Variants in MFN1 observed in about 807,000 individuals in gnomAD.
MFN1 encodes the protein mitofusin 1.
In MFN1, 65 loss-of-function variants were observed where a neutral mutation model predicts 92.4. The ratio of observed to expected loss-of-function variants is 0.70; its 90% CI spans 0.58 to 0.86. The LOEUF is 0.86. Among genes scored for constraint, MFN1 ranks in the 40% least tolerant of loss-of-function variants. The probability of loss-of-function intolerance (pLI) is 0.00; values close to 1 mark genes in which losing one functional copy is unlikely to be tolerated. For synonymous variants in MFN1, 297 were observed against 300.9 expected, an observed-to-expected ratio of 0.99 and a Z score of 0.13; for missense variants, 781 against 868.0, an observed-to-expected ratio of 0.90 and a Z score of 1.26.
intron 10 of MFN1, among the ~76,000 whole-genome samples, chr3:179,376,679 C>CT (rs567427384): frequency 1.5e-3 from 229 of 152,232 alleles, no homozygotes; most frequent in Non-Finnish European, 2.6e-3. Flanking sequence ...TTCAAGAAAA[C>CT]TTTAACAAAA....
At chr3:179,379,478 T>C (rs1713384422) in intron 14 of MFN1, among the ~76,000 whole-genome samples, 1 of 152,102 alleles carries the variant, frequency 6.6e-6, no homozygotes, top group Admixed American at 6.5e-5. Context: ...CTCAGCCTCC[T>C]GAGCAGCTGG....
intron 16 of MFN1, among the ~76,000 whole-genome samples, chr3:179,387,841 G>T (rs564447666): frequency 2.0e-5 from 3 of 150,592 alleles, no homozygotes; most frequent in African/African-American, 7.3e-5. Context: ...CAATTCTCCT[G>T]CTTCAGCCTC....
At chr3:179,379,042 C>T (rs1254255743) in intron 14 of MFN1, among the ~76,000 whole-genome samples, 2 of 152,164 alleles carry the variant, frequency 1.3e-5, no homozygotes, top group African/African-American at 4.8e-5. Flanking sequence ...GTGGAAAATT[C>T]CACACCAGAC....
rs147515343 is a variant in MFN1, at chr3:179,364,064, G to T, written c.537-233G>T. Among the ~76,000 whole-genome samples the T allele has an allele frequency of 5.6e-3, 850 of 151,860 alleles. 4 individuals are homozygous for T. Among genetic ancestry groups the T allele is most frequent in the Middle Eastern group, 0.01 (3 of 294 alleles). ...AACCCTCATTGTTTAGTATCTATTA[G>T]CCTAGTTTTATATTTCAGCCATCTA... is the stretch of plus-strand genomic sequence containing the variant. On this transcript the variant is annotated intron_variant, in intron 5 of 17. Transcript: ENST00000471841.
intron 3 of MFN1, among the ~76,000 whole-genome samples, chr3:179,352,617 A>G (rs528133550): frequency 1.3e-5 from 2 of 152,116 alleles, no homozygotes; most frequent in Non-Finnish European, 2.9e-5. Context: ...GAACCAAATA[A>G]CTCTTGTTTC....
chr3:179,365,247 T>C (rs773756605), intron 7 of MFN1, 22 bp downstream of exon 7: 5 of 1,377,028 alleles, frequency 3.6e-6, no homozygotes, highest in Admixed American at 2.7e-5. Context: ...TTTTTTTTTT[T>C]GTAGGTTTTG....
At chr3:179,382,245 C>T (rs892341895) in intron 14 of MFN1, among the ~76,000 whole-genome samples, 12 of 152,102 alleles carry the variant, frequency 7.9e-5, no homozygotes, top group Non-Finnish European at 1.6e-4. Flanking sequence ...CAACAGGCCC[C>T]GGGGTGTGAT....
At chr3:179,352,873 T>A (rs1712202623) in intron 3 of MFN1, among the ~76,000 whole-genome samples, 1 of 151,720 alleles carries the variant, frequency 6.6e-6, no homozygotes, top group Non-Finnish European at 1.5e-5. Context: ...TGCCTCAGCC[T>A]CCCTAGTAGC....
At chr3:179,371,390 A>G (rs1169904260) in intron 9 of MFN1, among the ~76,000 whole-genome samples, 1 of 151,968 alleles carries the variant, frequency 6.6e-6, no homozygotes, top group Non-Finnish European at 1.5e-5. Context: ...GCTCATGACT[A>G]TAGTCACAGC....
rs1042976352 is a variant in MFN1 at position 179,392,657 on chromosome 3, T to C, written c.*598T>C. On this transcript the variant is annotated 3_prime_UTR_variant, in exon 18 of 18. Transcript: ENST00000471841. ...GGCTTGTTATAGTCACTTATAAGTA[T>C]CTGGGTCTAAGTAATTTCCTTAGAT... is the stretch of plus-strand genomic sequence containing the variant. 1.3e-5 allele frequency: 2 copies of C among 152,242 alleles called. No individual in the cohort carries two copies. The highest frequency in any genetic ancestry group is 4.8e-5 in the African/African-American group (2 of 41,468). 9.4% of individuals were successfully genotyped at this position (152,242 alleles called of 1,614,324 possible).
chr3:179,379,191 A>G (rs950516050), intron 14 of MFN1, among the ~76,000 whole-genome samples: 1 of 152,200 alleles, frequency 6.6e-6, no homozygotes, highest in Non-Finnish European at 1.5e-5. Context: ...AAGCACACCT[A>G]TGAAGGGTAC....
rs772579182 is a variant in MFN1 at position 179,378,355 on chromosome 3, C to T, written c.1344C>T (p.His448=). The T allele has an allele frequency of 1.1e-5, 17 of 1,600,324 alleles. No individual in the cohort carries two copies. Among genetic ancestry groups the T allele is most frequent in the Non-Finnish European group, 1.4e-5 (16 of 1,175,676 alleles). Residue 448 remains histidine, a synonymous_variant, in exon 13 of 18, where the codon CAC becomes CAT. Transcript: ENST00000471841. The part of the protein sequence containing the change: ...LKIYKSELNK[H]IEDGMGRNLA... Reference sequence around the variant, plus strand: ...ATTGTTAACAGGAATTAAATAAGCACATAGAGGATGGTATGGGAAGAAATT... The same window carrying T: ...ATTGTTAACAGGAATTAAATAAGCATATAGAGGATGGTATGGGAAGAAATT...
At chr3:179,351,792 G>A in intron 2 of MFN1, 108 bp from the exon 3 acceptor site, 2 of 1,002,850 alleles carry the variant, frequency 2.0e-6, no homozygotes, top group East Asian at 2.7e-5. Context: ...GATGCTGTGG[G>A]TGGCATGTTA....
At chr3:179,389,429 C>G (rs1185634596) in intron 16 of MFN1, among the ~76,000 whole-genome samples, 1 of 152,074 alleles carries the variant, frequency 6.6e-6, no homozygotes, top group African/African-American at 2.4e-5. Context: ...GAGGCAACCT[C>G]AAATAATTTC....
At chr3:179,376,970 ATGAGTCCC>A in intron 10 of MFN1, 64 bp from the exon 11 acceptor site, 5 of 1,500,998 alleles carry the variant, frequency 3.3e-6, no homozygotes, top group Non-Finnish European at 4.5e-6. Flanking sequence ...CAATACATGA[ATGAGTCCC>A]TTGCTGAAAT....
At chr3:179,388,390 A>C (rs957987923) in intron 16 of MFN1, among the ~76,000 whole-genome samples, 1 of 152,302 alleles carries the variant, frequency 6.6e-6, no homozygotes, top group East Asian at 1.9e-4. Flanking sequence ...TTTAGATCTC[A>C]GGAGAATTTT....
In MFN1 at chr3:179,392,131, A is replaced by G; in HGVS notation, c.*72A>G. On this transcript the variant is annotated 3_prime_UTR_variant, in exon 18 of 18. Coordinates refer to ENST00000471841, the MANE Select transcript of MFN1 (RefSeq NM_033540.3). ...TAAGATTGGAACAGTTGTTATTTTTATGAAATTACTTTAAATATGAATTGT... is the reference window on the plus strand; with the variant it reads ...TAAGATTGGAACAGTTGTTATTTTTGTGAAATTACTTTAAATATGAATTGT... The G allele has an allele frequency of 1.0e-6, 1 of 988,164 alleles. No homozygotes were observed. Among genetic ancestry groups the G allele is most frequent in the Non-Finnish European group, 1.6e-6 (1 of 636,622 alleles). 61.2% of individuals were successfully genotyped at this position (988,164 alleles called of 1,614,324 possible).
chr3:179,358,325 G>A (rs981424371), intron 3 of MFN1, among the ~76,000 whole-genome samples: 17 of 151,886 alleles, frequency 1.1e-4, no homozygotes, highest in African/African-American at 3.9e-4. Context: ...CTAATTTTTT[G>A]TATTTTTAGT....
At chr3:179,354,178 A>G (rs1031523601) in intron 3 of MFN1, among the ~76,000 whole-genome samples, 1 of 152,200 alleles carries the variant, frequency 6.6e-6, no homozygotes, top group Non-Finnish European at 1.5e-5. Flanking sequence ...CAACTGTCCT[A>G]CTGAGAATGA....
Sources: allele counts gnomAD v4.1 joint callset (sites outside exome capture counted in the v4.1 genomes callset), GRCh38; gene constraint gnomAD v4.1.1; transcripts MANE v1.5; gene names NCBI Gene and HGNC (gene_info 2026-07-23, HGNC 2026-07-21).